The following NDUFAF6 variants were observed in gnomAD, a reference collection of about 807,000 sequenced individuals.
NDUFAF6 encodes the protein NADH:ubiquinone oxidoreductase complex assembly factor 6, also known as NADH dehydrogenase (ubiquinone) complex I, assembly factor 6.
Under a neutral mutation model 40.8 loss-of-function variants are expected in NDUFAF6, and 45 were observed. The ratio of observed to expected loss-of-function variants is 1.10; its 90% CI spans 0.87 to 1.42. The LOEUF (loss-of-function observed/expected upper bound fraction) is 1.42, where lower values mean the gene tolerates loss of function less well. Ranked by LOEUF, NDUFAF6 falls within the 40% of genes most tolerant of loss-of-function variation. The pLI is 0.00. For missense variants in NDUFAF6, 435 were observed against 418.5 expected (o/e 1.04, Z -0.34); for synonymous variants, 185 against 155.9 (o/e 1.19, Z -1.39).
At chr8:94,948,368 A>T (rs1822200396) in intron 2 of NDUFAF6, among the ~76,000 whole-genome samples, 2 of 152,194 alleles carry the variant, frequency 1.3e-5, no homozygotes, top group Non-Finnish European at 2.9e-5. Flanking sequence ...CGATAAAGCA[A>T]AGCCCCCAGC....
intron 2 of NDUFAF6, among the ~76,000 whole-genome samples, chr8:95,017,361 G>T (rs1827506824): frequency 6.6e-6 from 1 of 152,080 alleles, no homozygotes; most frequent in African/African-American, 2.4e-5. Context: ...AAGGGAACAA[G>T]GGGATTAAGC....
intron 9 of NDUFAF6, among the ~76,000 whole-genome samples, chr8:95,073,462 G>T (rs1832938394): frequency 6.6e-6 from 1 of 151,926 alleles, no homozygotes; most frequent in African/African-American, 2.4e-5. Flanking sequence ...TCGCAGGTGC[G>T]CTCCCCAGGG....
chr8:95,029,462 A>T (rs887253711), intron 1 of NDUFAF6, among the ~76,000 whole-genome samples: 4 of 152,238 alleles, frequency 2.6e-5, no homozygotes, highest in African/African-American at 9.6e-5. Context: ...TATTGTAAGT[A>T]CAAGGACGCT....
At chr8:94,913,020 C>T (rs1818893339) in intron 1 of NDUFAF6, among the ~76,000 whole-genome samples, 1 of 152,142 alleles carries the variant, frequency 6.6e-6, no homozygotes, top group Admixed American at 6.5e-5. Context: ...AAGAGTGGAA[C>T]AAATATAGAT....
At chr8:95,046,401 A>C (rs1268231074) in intron 5 of NDUFAF6, among the ~76,000 whole-genome samples, 1 of 152,216 alleles carries the variant, frequency 6.6e-6, no homozygotes. Flanking sequence ...TTTTAAAAAC[A>C]AAATTTTGAT....
rs2131807923 is a variant in NDUFAF6, at chr8:95,035,570, A to G, written c.414A>G (p.Leu138=). 1.3e-6 allele frequency: 2 copies of G among 1,509,982 alleles called. No individual in the cohort carries two copies. Among genetic ancestry groups the G allele is most frequent in the Admixed American group, 2.1e-5 (1 of 47,802 alleles). 93.5% of individuals were successfully genotyped at this position (1,509,982 alleles called of 1,614,324 possible). A position where few individuals can be genotyped will look rare whatever the true frequency, so the allele number is the denominator to read the frequency against. ...CACATCAGCCTGTGGCCATTGAACT[A>G]TGGAAGGTAAAAAAAAAAAAATACC... ...NPPHQPVAIE[L]WKAVKRHNLT... The change falls in exon 3 of 9, where the codon CTA becomes CTG. Residue 138 remains leucine (L), a synonymous_variant. Transcript: ENST00000396124.
At chr8:94,993,643 G>T (rs941735395) in intron 2 of NDUFAF6, among the ~76,000 whole-genome samples, 1 of 152,194 alleles carries the variant, frequency 6.6e-6, no homozygotes, top group African/African-American at 2.4e-5. Context: ...AGCACTGACT[G>T]CCAGTCATTT....
At chr8:94,900,318 G>A (rs1050207993) in intron 1 of NDUFAF6, among the ~76,000 whole-genome samples, 2 of 151,972 alleles carry the variant, frequency 1.3e-5, no homozygotes, top group African/African-American at 4.8e-5. Context: ...CCTTGAAAGA[G>A]TTTTGCAGCT....
chr8:94,934,091 G>A (rs1160705525), intron 1 of NDUFAF6, among the ~76,000 whole-genome samples: 2 of 150,278 alleles, frequency 1.3e-5, no homozygotes, highest in Admixed American at 6.6e-5. Flanking sequence ...AAAAAAAAAA[G>A]AAGTATATAT....
At chr8:95,105,054 CACACACACACACAGAGAGAG>C (rs1407023319), downstream of NDUFAF6, among the ~76,000 whole-genome samples, 47 of 60,050 alleles carry the variant, frequency 7.8e-4, no homozygotes, top group African/African-American at 3.0e-3. Flanking sequence ...CACACACACA[CACACACACACACAGAGAGAG>C]AGAGAGAGAG....
At chr8:94,915,402 G>A (rs1242813922) in intron 1 of NDUFAF6, among the ~76,000 whole-genome samples, 1 of 152,130 alleles carries the variant, frequency 6.6e-6, no homozygotes, top group African/African-American at 2.4e-5. Flanking sequence ...ACGTATTTTT[G>A]TTCTTTGTTA....
At chr8:95,078,781 G>A (rs901692276), downstream of NDUFAF6, 4 of 151,580 alleles carry the variant, frequency 2.6e-5, no homozygotes, top group Non-Finnish European at 5.9e-5. Context: ...CATTTCGAAT[G>A]TCATATAAAT....
intron 2 of NDUFAF6, among the ~76,000 whole-genome samples, chr8:94,992,103 A>C (rs1826221660): frequency 6.6e-6 from 1 of 152,204 alleles, no homozygotes; most frequent in Non-Finnish European, 1.5e-5. Context: ...ACTACCCAGC[A>C]ATGTATGAGG....
Position 94,952,723 on chromosome 8 carries a change from G to A in NDUFAF6, c.-798-5272G>A, listed in dbSNP as rs193057370. Among the ~76,000 whole-genome samples, 7 of 152,324 alleles carry A rather than the reference G, an allele frequency of 4.6e-5. No individual in the cohort carries two copies. The East Asian group carries it at 1.3e-3, about 29-fold the overall frequency. ...CAAGAATTATTCCAGGGCCATAAGT[G>A]TAATAGCTTTTCAAGACCCTGCAAC... is the stretch of plus-strand genomic sequence containing the variant. On this transcript the variant is annotated intron_variant, in intron 2 of 14. Coordinates refer to the NDUFAF6 transcript ENST00000396113.
chr8:94,954,345 A>G (rs1198336070), upstream of NDUFAF6, among the ~76,000 whole-genome samples: 5 of 152,110 alleles, frequency 3.3e-5, no homozygotes, highest in Admixed American at 6.6e-5. Flanking sequence ...ACAGGCATGA[A>G]CCACCACACC....
At chr8:94,971,528 G>T (rs564188154) in intron 1 of NDUFAF6, among the ~76,000 whole-genome samples, 1 of 152,326 alleles carries the variant, frequency 6.6e-6, no homozygotes, top group East Asian at 1.9e-4. Context: ...GGCTCCTGCT[G>T]CAGTGTCAGG....
At chr8:94,964,302 G>A (rs1358392126) in intron 1 of NDUFAF6, among the ~76,000 whole-genome samples, 2 of 151,972 alleles carry the variant, frequency 1.3e-5, no homozygotes, top group Non-Finnish European at 2.9e-5. Flanking sequence ...GATGGCACAT[G>A]CCTGTAGTCC....
At chr8:94,932,583 C>G (rs557098328) in intron 1 of NDUFAF6, among the ~76,000 whole-genome samples, 29 of 152,190 alleles carry the variant, frequency 1.9e-4, no homozygotes, top group Non-Finnish European at 4.0e-4. Flanking sequence ...GCGGGCGGAT[C>G]GTGAGGTCAG....
intron 2 of NDUFAF6, among the ~76,000 whole-genome samples, chr8:94,991,486 C>G (rs1050406408): frequency 3.3e-5 from 5 of 152,106 alleles, no homozygotes; most frequent in Admixed American, 3.3e-4. Context: ...TAATTTTCAT[C>G]TGTAAAATGG....
Sources: gnomAD v4.1 joint callset for allele counts (sites outside exome capture counted in the v4.1 genomes callset) on GRCh38, gnomAD v4.1.1 for gene constraint, MANE v1.5 for transcripts, NCBI Gene and HGNC (gene_info 2026-07-23, HGNC 2026-07-21) for gene names.